The following ARAP1 variants were observed in gnomAD, a reference collection of about 807,000 sequenced individuals.
ARAP1 encodes arf-GAP with Rho-GAP domain, ANK repeat and PH domain-containing protein 1.
ARAP1 carries 76 observed loss-of-function variants against 172.2 expected under a neutral mutation model. The ratio of observed to expected loss-of-function variants is 0.44; its 90% CI spans 0.37 to 0.53. ARAP1 has a LOEUF of 0.53. ARAP1 is among the 20% of genes least tolerant of loss of function. The probability of loss-of-function intolerance (pLI) is 0.00; values close to 1 mark genes in which losing one functional copy is unlikely to be tolerated. For synonymous variants in ARAP1, 804 were observed against 803.3 expected, an observed-to-expected ratio of 1.00 and a Z score of -0.01; for missense variants, 1,686 against 1,977.5, an observed-to-expected ratio of 0.85 and a Z score of 2.80.
At chr11:72,728,497 C>T (rs1278922775) in intron 2 of ARAP1, among the ~76,000 whole-genome samples, 1 of 152,178 alleles carries the variant, frequency 6.6e-6, no homozygotes, top group African/African-American at 2.4e-5. Context: ...AGGAGAATTG[C>T]TTGAACCCAG....
rs148031322 is a variant in ARAP1 at position 72,710,079 on chromosome 11, G to C, written c.1417-103C>G. ...AGGTGGTGCAACTCAGGGACTGGGG[G>C]GGGTGCCCAGGAGGGAGACAGCAGG... On this transcript the variant is annotated intron_variant, in intron 10 of 34. Transcript: ENST00000393609. This position sits in a 1 kb window ranked among gnomAD's most constrained non-coding sequence, Gnocchi z 4.3. The C allele has an allele frequency of 5.3e-4, 568 of 1,074,866 alleles. 4 individuals are homozygous for C. The African/African-American group carries it at 8.1e-3, about 15-fold the overall frequency. The allele number at this position is 1,074,866 out of a possible 1,614,324, so 66.6% of individuals were successfully genotyped here.
chr11:72,718,352 GC>G lies in ARAP1; in HGVS notation c.510-4032del, dbSNP rs536577483. ...TCACTGCTTGCACCCCTAAGAGTAG[GC>G]CCCGCTCCAATCCCGAGGTCCAGCT... On this transcript the variant is annotated intron_variant, in intron 3 of 34. Transcript: ENST00000393609. Among the ~76,000 whole-genome samples, 12 of 151,892 alleles carry G rather than the reference GC, an allele frequency of 7.9e-5. No individual in the cohort carries two copies. The South Asian group carries it at 2.5e-3, about 32-fold the overall frequency.
rs370939953 is a variant in ARAP1 at position 72,702,943 on chromosome 11, G to A, written c.2129C>T (p.Thr710Met). 108 of 1,561,666 alleles carry A rather than the reference G, an allele frequency of 6.9e-5. No homozygotes were observed. Among genetic ancestry groups the A allele is most frequent in the East Asian group, 4.3e-4 (18 of 42,094 alleles). Residue 710 changes from threonine to methionine, a missense_variant, in exon 15 of 35, where the codon ACG (threonine) becomes ATG (methionine). Thr to Met is a moderately conservative substitution (Grantham distance 81, BLOSUM62 -1). Transcript: ENST00000393609. Reference sequence around the variant, plus strand: ...GTTCCGAAGGAATTCCATCTGCAGCGTCTGCCCCGCCTGCTCTGCAAGAGC... The same window carrying A: ...GTTCCGAAGGAATTCCATCTGCAGCATCTGCCCCGCCTGCTCTGCAAGAGC... The part of the protein sequence containing the change: ...PLALAEQAGQ[T>M]LQMEFLRNNR...
Position 72,710,052 on chromosome 11 carries a change from GA to G in ARAP1, c.1417-77del. 1 of 1,353,640 alleles carries G rather than the reference GA, an allele frequency of 7.4e-7. No homozygotes were observed. The highest frequency in any genetic ancestry group is 1.1e-6 in the Non-Finnish European group (1 of 945,700). The allele number at this position is 1,353,640 out of a possible 1,614,324, so 83.9% of individuals were successfully genotyped here. ...GAGGCTTGGGACAGGGAGAGGAAGG[GA>G]AGGTGGTGCAACTCAGGGACTGGGG... On this transcript the variant is annotated intron_variant, in intron 10 of 34. Transcript: ENST00000393609. The surrounding 1 kb of genome is among the most constrained non-coding windows in gnomAD (Gnocchi z 4.3).
At chr11:72,712,361 G>A in intron 6 of ARAP1, 22 bp from the exon 7 acceptor site, 1 of 1,544,278 alleles carries the variant, frequency 6.5e-7, no homozygotes, top group Non-Finnish European at 8.8e-7. Flanking sequence ...TGAGGGGATG[G>A]GGGGCCGGGC....
Position 72,710,077 on chromosome 11 carries a change from G to C in ARAP1, c.1417-101C>G, listed in dbSNP as rs1856943585. On this transcript the variant is annotated intron_variant, in intron 10 of 34. Coordinates refer to ENST00000393609, the MANE Select transcript of ARAP1 (RefSeq NM_001040118.3). The surrounding 1 kb of genome is among the most constrained non-coding windows in gnomAD (Gnocchi z 4.3). ...GAAGGTGGTGCAACTCAGGGACTGG[G>C]GGGGGTGCCCAGGAGGGAGACAGCA... 5.4e-6 allele frequency: 6 copies of C among 1,101,074 alleles called. No individual in the cohort carries two copies. In the South Asian group the frequency reaches 6.3e-5, roughly 12 times the overall value. The allele number at this position is 1,101,074 out of a possible 1,614,324, so 68.2% of individuals were successfully genotyped here.
In ARAP1 at chr11:72,725,038, A is replaced by G. The variant is rs1857643515; in HGVS notation, c.509+1582T>C. 6.6e-6 allele frequency among the ~76,000 whole-genome samples: 1 copy of G among 152,108 alleles called. No individual in the cohort carries two copies. The highest frequency in any genetic ancestry group is 1.5e-5 in the Non-Finnish European group (1 of 68,000). ...GCCAGGAGGGCCCAGAAGTCTATGG[A>G]GGACCACAGAGGGCACCTGATGGGG... On this transcript the variant is annotated intron_variant, in intron 3 of 34. Transcript: ENST00000393609. This position sits in a 1 kb window ranked among gnomAD's most constrained non-coding sequence, Gnocchi z 4.3.
chr11:72,711,261 T>C, intron 8 of ARAP1, 120 bp from the exon 9 acceptor site: 2 of 1,506,302 alleles, frequency 1.3e-6, no homozygotes. Flanking sequence ...GACCCTGTGC[T>C]GACCCTGACT....
rs1856055494 is a variant in ARAP1 at position 72,693,981 on chromosome 11, C to A, written c.3695-176G>T. 6.6e-6 allele frequency among the ~76,000 whole-genome samples: 1 copy of A among 152,120 alleles called. No individual in the cohort carries two copies. Reference sequence around the variant, plus strand: ...TCCCATGACCAAGCTTCAGGCTTGACACACCTGGCTGTGACCAAAGCTGCT... The same window carrying A: ...TCCCATGACCAAGCTTCAGGCTTGAAACACCTGGCTGTGACCAAAGCTGCT... On this transcript the variant is annotated intron_variant, in intron 27 of 34. Coordinates refer to ENST00000393609, the MANE Select transcript of ARAP1 (RefSeq NM_001040118.3). The surrounding 1 kb of genome is among the most constrained non-coding windows in gnomAD (Gnocchi z 4.6).
chr11:72,696,492 G>A, intron 23 of ARAP1, 57 bp downstream of exon 23: 9 of 1,395,402 alleles, frequency 6.4e-6, no homozygotes, highest in Admixed American at 2.6e-5. Flanking sequence ...GCCAGGGTGG[G>A]GGTAGAAGAA....
At chr11:72,734,892 T>C (rs1857970785) in intron 1 of ARAP1, among the ~76,000 whole-genome samples, 1 of 152,174 alleles carries the variant, frequency 6.6e-6, no homozygotes, top group Admixed American at 6.5e-5. Flanking sequence ...CCCTATTGTT[T>C]ACATGATGAA....
intron 31 of ARAP1, 95 bp from the exon 32 acceptor site, chr11:72,687,833 G>T: frequency 7.1e-7 from 1 of 1,410,512 alleles, no homozygotes. Flanking sequence ...CACAGCCAGA[G>T]CCAGAGCCAG....
chr11:72,698,589 AC>A (rs1446720843), intron 18 of ARAP1, among the ~76,000 whole-genome samples: 1 of 151,828 alleles, frequency 6.6e-6, no homozygotes, highest in Non-Finnish European at 1.5e-5. Context: ...AGCACAGGGG[AC>A]CCCACAGGCA....
At chr11:72,717,633 C>A (rs557721492) in intron 3 of ARAP1, among the ~76,000 whole-genome samples, 41 of 152,340 alleles carry the variant, frequency 2.7e-4, no homozygotes, top group African/African-American at 9.9e-4. Flanking sequence ...ATTGGGGTAA[C>A]TCCAGCACTC....
At chr11:72,694,910 G>T in intron 27 of ARAP1, 70 bp downstream of exon 27, 4 of 1,383,898 alleles carry the variant, frequency 2.9e-6, no homozygotes, top group South Asian at 1.2e-5. Flanking sequence ...GGGTAGGGGA[G>T]GACAGACTGG....
In ARAP1 at chr11:72,695,420, T is replaced by C. The variant is rs1244253059; in HGVS notation, c.3543A>G (p.Glu1181=). 1 of 1,614,236 alleles carries C rather than the reference T, an allele frequency of 6.2e-7. No homozygotes were observed. Among genetic ancestry groups the C allele is most frequent in the Admixed American group, 1.7e-5 (1 of 60,028 alleles). The change falls in exon 26 of 35, where the codon GAA becomes GAG. Residue 1181 remains glutamate (E), a synonymous_variant. Transcript: ENST00000393609. The surrounding 1 kb of genome is among the most constrained non-coding windows in gnomAD (Gnocchi z 4.4). ...AGDFICTVYL[E]EKKAETEQHI... is the part of the protein sequence containing the mutation. The stretch of plus-strand genomic sequence containing the variant: ...GCTGCTCAGTCTCTGCCTTCTTCTC[T>C]TCCAGATACACTGTGCAGATGAAGT...
At chr11:72,722,022 T>C (rs1193250550) in intron 3 of ARAP1, 16 of 985,592 alleles carry the variant, frequency 1.6e-5, no homozygotes, top group Admixed American at 6.1e-5. Flanking sequence ...TGCGTTCTCT[T>C]GGAGGTTTTT....
Position 72,725,547 on chromosome 11 carries a change from T to C in ARAP1, c.509+1073A>G, listed in dbSNP as rs1450374816. On this transcript the variant is annotated intron_variant, in intron 3 of 34. Transcript: ENST00000393609. The surrounding 1 kb of genome is among the most constrained non-coding windows in gnomAD (Gnocchi z 4.3). ...ATCAACCCTCAAAACACCACAGCAC[T>C]AGCTTGGTCTTCAAGGCCCCCTGAC... 6.6e-6 allele frequency among the ~76,000 whole-genome samples: 1 copy of C among 151,968 alleles called. No homozygotes were observed. Among genetic ancestry groups the C allele is most frequent in the Non-Finnish European group, 1.5e-5 (1 of 67,978 alleles).
chr11:72,748,172 ACATAGTCAG>A, intron 1 of ARAP1, among the ~76,000 whole-genome samples: 1 of 152,242 alleles, frequency 6.6e-6, no homozygotes, highest in Non-Finnish European at 1.5e-5. Flanking sequence ...ACTGCCTGGC[ACATAGTCAG>A]CTTCCAAGAA....
Sources: allele counts gnomAD v4.1 joint callset (sites outside exome capture counted in the v4.1 genomes callset), GRCh38; gene constraint gnomAD v4.1.1; non-coding constraint Gnocchi (gnomAD v3.1); transcripts MANE v1.5; gene names NCBI Gene and HGNC (gene_info 2026-07-23, HGNC 2026-07-21).